Variants in GRIN2B observed in about 807,000 individuals in gnomAD.
GRIN2B encodes the protein glutamate receptor ionotropic, NMDA 2B.
A neutral mutation model predicts 114.5 loss-of-function variants in GRIN2B; 5 were observed. That is an observed-to-expected ratio of 0.04 (90% CI 0.02 to 0.09). The LOEUF (loss-of-function observed/expected upper bound fraction) is 0.09. Ranked by LOEUF, GRIN2B falls within the 10% of genes least tolerant of loss-of-function variation. The pLI is 1.00. For missense variants in GRIN2B, 1,108 were observed against 1,943.5 expected (o/e 0.57, Z 8.08); for synonymous variants, 787 against 745.1 (o/e 1.06, Z -0.92).
chr12:13,766,922 G>A lies in GRIN2B; in HGVS notation c.412-13007C>T, dbSNP rs568809355. Among the ~76,000 whole-genome samples the A allele has an allele frequency of 2.6e-5, 4 of 152,262 alleles. No homozygotes were observed. The East Asian group carries it at 7.7e-4, about 29-fold the overall frequency. The stretch of plus-strand genomic sequence containing the variant: ...ATTTCAGCGTTCCTACCGTAGAGAT[G>A]ATGTGGGCTTTCAAATTTAAATCCA... On this transcript the variant is annotated intron_variant, in intron 3 of 13. Coordinates refer to ENST00000609686, the MANE Select transcript of GRIN2B (RefSeq NM_000834.5).
At chr12:13,619,822 G>A (rs1439674674) in intron 5 of GRIN2B, among the ~76,000 whole-genome samples, 2 of 152,146 alleles carry the variant, frequency 1.3e-5, no homozygotes, top group African/African-American at 2.4e-5. Flanking sequence ...AAGCTCCCAC[G>A]GTAAGTGACT....
At chr12:13,839,977 G>A (rs752938852) in intron 3 of GRIN2B, among the ~76,000 whole-genome samples, 2 of 152,152 alleles carry the variant, frequency 1.3e-5, no homozygotes, top group African/African-American at 2.4e-5. Flanking sequence ...ATTTTTATAC[G>A]TGAATCTTTT....
At chr12:13,757,984 G>T (rs530164479) in intron 3 of GRIN2B, among the ~76,000 whole-genome samples, 2 of 152,226 alleles carry the variant, frequency 1.3e-5, no homozygotes, top group South Asian at 4.2e-4. Flanking sequence ...GGCTGGTAGT[G>T]CCCCTGGCAA....
At chr12:13,759,816 A>G (rs1250141466) in intron 3 of GRIN2B, among the ~76,000 whole-genome samples, 1 of 152,206 alleles carries the variant, frequency 6.6e-6, no homozygotes, top group Non-Finnish European at 1.5e-5. Flanking sequence ...AGTGTACTAC[A>G]AAGAAACAGC....
chr12:13,679,668 TGTG>T (rs1318533580), intron 4 of GRIN2B, among the ~76,000 whole-genome samples: 1 of 152,206 alleles, frequency 6.6e-6, no homozygotes, highest in Non-Finnish European at 1.5e-5. Flanking sequence ...AGTAATTTCT[TGTG>T]GTGTGAGAAC....
chr12:13,650,543 C>A (rs919525180), intron 5 of GRIN2B, among the ~76,000 whole-genome samples: 1 of 152,038 alleles, frequency 6.6e-6, no homozygotes, highest in African/African-American at 2.4e-5. Flanking sequence ...GGACGACCAG[C>A]CACCCTTTCT....
At chr12:13,692,760 C>T (rs373826439) in intron 4 of GRIN2B, among the ~76,000 whole-genome samples, 9 of 52,134 alleles carry the variant, frequency 1.7e-4, no homozygotes, top group Admixed American at 4.7e-4. Flanking sequence ...TCTTTCTTTT[C>T]TTTTTTTTTT....
In GRIN2B at chr12:13,615,366, G is replaced by C; in HGVS notation, c.1501-99C>G. On this transcript the variant is annotated intron_variant, in intron 7 of 13. Transcript: ENST00000609686. This position sits in a 1 kb window ranked among gnomAD's most constrained non-coding sequence, Gnocchi z 5.8. Reference sequence around the variant, plus strand: ...ATCAGTGGTTTTCTTTGTATAGTGGGAACAATACATCTTATTTGCCATTTT... The same window carrying C: ...ATCAGTGGTTTTCTTTGTATAGTGGCAACAATACATCTTATTTGCCATTTT... 1 of 1,400,708 alleles carries C rather than the reference G, an allele frequency of 7.1e-7. No homozygotes were observed. The highest frequency in any genetic ancestry group is 1.0e-6 in the Non-Finnish European group (1 of 986,142). 86.8% of individuals were successfully genotyped at this position (1,400,708 alleles called of 1,614,324 possible).
At position 13,564,669 on chromosome 12, in the gene GRIN2B, T is replaced by A. The variant is rs558066916; in HGVS notation, c.2599-30A>T. On this transcript the variant is annotated intron_variant, in intron 13 of 13. Transcript: ENST00000609686. This position sits in a 1 kb window ranked among gnomAD's most constrained non-coding sequence, Gnocchi z 4.8. ...AGCAAGAATGGAGGGACAGGTTAGA[T>A]CTCCAGAGAGGCTAGAAATGACCAC... The A allele has an allele frequency of 1.2e-6, 2 of 1,602,434 alleles. No individual in the cohort carries two copies. The highest frequency in any genetic ancestry group is 4.5e-5 in the East Asian group (2 of 44,794).
At chr12:13,670,236 G>C (rs988206579) in intron 5 of GRIN2B, 2 of 146,136 alleles carry the variant, frequency 1.4e-5, no homozygotes, top group Admixed American at 6.9e-5. Context: ...TCCAGAGAAC[G>C]ATCTACACAA....
intron 2 of GRIN2B, among the ~76,000 whole-genome samples, chr12:13,936,205 A>C (rs944450431): frequency 6.6e-6 from 1 of 152,182 alleles, no homozygotes; most frequent in Admixed American, 6.5e-5. Context: ...ACAGTGTTAA[A>C]GGTAAAACGC....
At chr12:13,825,514 G>GTGTGTGTGTA (rs1865020006) in intron 3 of GRIN2B, among the ~76,000 whole-genome samples, 1 of 145,088 alleles carries the variant, frequency 6.9e-6, no homozygotes, top group Non-Finnish European at 1.5e-5. Flanking sequence ...GTGTGTGTGT[G>GTGTGTGTGTA]TGTGTGTGTG....
chr12:13,809,433 C>T (rs1339146951), intron 3 of GRIN2B, among the ~76,000 whole-genome samples: 1 of 152,090 alleles, frequency 6.6e-6, no homozygotes, highest in African/African-American at 2.4e-5. Context: ...CAATAATAAC[C>T]CCATTGCTGG....
At chr12:13,827,799 G>A (rs375731761) in intron 3 of GRIN2B, among the ~76,000 whole-genome samples, 12 of 151,654 alleles carry the variant, frequency 7.9e-5, no homozygotes, top group African/African-American at 1.2e-4. Flanking sequence ...CTCCTGCCTC[G>A]GCCTCCCAAG....
At chr12:13,728,650 C>G (rs1363934699) in intron 4 of GRIN2B, among the ~76,000 whole-genome samples, 1 of 152,022 alleles carries the variant, frequency 6.6e-6, no homozygotes, top group Non-Finnish European at 1.5e-5. Flanking sequence ...TGGCAGGAAC[C>G]AGGTGTAAAC....
rs924484699 is a variant in GRIN2B at position 13,866,083 on chromosome 12, C to A, written c.126G>T (p.Val42=). 6.2e-7 allele frequency: 1 copy of A among 1,614,024 alleles called. No individual in the cohort carries two copies. Among genetic ancestry groups the A allele is most frequent in the African/African-American group, 1.3e-5 (1 of 75,018 alleles). The change falls in exon 3 of 14, where the codon GTG becomes GTT. Residue 42 remains valine, a synonymous_variant. Coordinates refer to ENST00000609686, the MANE Select transcript of GRIN2B (RefSeq NM_000834.5). ...PPSIGIAVIL[V]GTSDEVAIKD... ...TGATGGCCACCTCGTCGGAAGTGCC[C>A]ACGAGGATGACAGCAATGCCAATGC...
At chr12:13,688,384 C>T (rs1386387983) in intron 4 of GRIN2B, among the ~76,000 whole-genome samples, 2 of 152,152 alleles carry the variant, frequency 1.3e-5, no homozygotes, top group Non-Finnish European at 2.9e-5. Flanking sequence ...GTCAACTAAA[C>T]ACACAGGCTT....
intron 5 of GRIN2B, among the ~76,000 whole-genome samples, chr12:13,622,446 C>T (rs913875735): frequency 2.0e-5 from 3 of 152,154 alleles, no homozygotes; most frequent in Non-Finnish European, 4.4e-5. Context: ...GACACCCTCA[C>T]TTCCCCACCC....
At chr12:13,709,924 A>T (rs1950398239) in intron 4 of GRIN2B, among the ~76,000 whole-genome samples, 1 of 152,056 alleles carries the variant, frequency 6.6e-6, no homozygotes. Flanking sequence ...GCTCCTGGGT[A>T]TATACCCAAG....
Sources: gnomAD v4.1 joint callset for allele counts (sites outside exome capture counted in the v4.1 genomes callset) on GRCh38, gnomAD v4.1.1 for gene constraint, Gnocchi (gnomAD v3.1) non-coding constraint, MANE v1.5 for transcripts, NCBI Gene and HGNC (gene_info 2026-07-23, HGNC 2026-07-21) for gene names.